Variants in MID1 observed in about 807,000 individuals in gnomAD.
The protein encoded by MID1 is midline 1, also known as E3 ubiquitin-protein ligase Midline-1.
A neutral mutation model predicts 40.4 loss-of-function variants in MID1; 7 were observed. The observed-to-expected ratio is 0.17, with a 90% CI of 0.10 to 0.33. MID1 has a LOEUF of 0.33. MID1 is among the 10% of genes least tolerant of loss of function. The probability of loss-of-function intolerance (pLI) is 1.00; values close to 1 mark genes in which losing one functional copy is unlikely to be tolerated. For synonymous variants in MID1, 229 were observed against 221.2 expected, an observed-to-expected ratio of 1.04 and a Z score of -0.31; for missense variants, 367 against 558.5, an observed-to-expected ratio of 0.66 and a Z score of 3.46.
At chrX:10,458,789 A>C (rs182838409) in intron 8 of MID1, among the ~76,000 whole-genome samples, 107 of 111,608 alleles carry the variant, frequency 9.6e-4, no homozygotes, top group Non-Finnish European at 1.5e-3. Context: ...GATATAGGTT[A>C]AATGAGGGTT....
intron 1 of MID1, among the ~76,000 whole-genome samples, chrX:10,643,705 T>C (rs1308020942): frequency 9.0e-6 from 1 of 111,011 alleles, no homozygotes; most frequent in African/African-American, 3.3e-5. Context: ...CACATGCACA[T>C]GTATGTTTAT....
chrX:10,717,064 A>C (rs1264434692), intron 1 of MID1, among the ~76,000 whole-genome samples: 8 of 111,430 alleles, frequency 7.2e-5, no homozygotes, highest in South Asian at 7.6e-4. Flanking sequence ...TGGAAAGGAA[A>C]AACCGGTACC....
chrX:10,579,007 C>T (rs1344885935), intron 1 of MID1, among the ~76,000 whole-genome samples: 2 of 112,276 alleles, frequency 1.8e-5, no homozygotes, highest in Non-Finnish European at 3.8e-5. Flanking sequence ...TGCATGTATA[C>T]ATAAGTACAC....
At chrX:10,832,942 C>CAT (rs1006910067) in intron 1 of MID1, among the ~76,000 whole-genome samples, 147 of 112,424 alleles carry the variant, frequency 1.3e-3, no homozygotes, top group African/African-American at 1.6e-4. Context: ...CCGTTCTCGC[C>CAT]ATATATATAA....
chrX:10,460,712 A>AC (rs1928974341), intron 7 of MID1, among the ~76,000 whole-genome samples: 1 of 109,774 alleles, frequency 9.1e-6, no homozygotes, highest in African/African-American at 3.3e-5. Flanking sequence ...CAAAGCCACC[A>AC]CCCCACTCCT....
chrX:10,577,163 C>T (rs952790579), intron 1 of MID1, among the ~76,000 whole-genome samples: 1 of 112,130 alleles, frequency 8.9e-6, no homozygotes. Flanking sequence ...GCAACGGGAT[C>T]TGTACTCTCA....
intron 2 of MID1, among the ~76,000 whole-genome samples, chrX:10,534,746 G>C (rs1048224871): frequency 9.0e-6 from 1 of 111,670 alleles, no homozygotes. Flanking sequence ...ACACTCTTTG[G>C]CTCAAAAAAA....
chrX:10,821,249 T>C (rs991886719), intron 1 of MID1, among the ~76,000 whole-genome samples: 3 of 112,262 alleles, frequency 2.7e-5, no homozygotes, highest in African/African-American at 9.7e-5. Flanking sequence ...CAAGCTATCA[T>C]TCACTGCCTA....
intron 2 of MID1, among the ~76,000 whole-genome samples, chrX:10,550,990 G>A (rs1416249574): frequency 9.0e-6 from 1 of 111,608 alleles, no homozygotes; most frequent in Non-Finnish European, 1.9e-5. Flanking sequence ...GGTACCTGTA[G>A]GGGATTCGTT....
chrX:10,720,796 C>G (rs1444513462), intron 1 of MID1, among the ~76,000 whole-genome samples: 5 of 110,145 alleles, frequency 4.5e-5, no homozygotes, highest in South Asian at 4.0e-4. Context: ...TTGGAACCAA[C>G]CCAAATGTCC....
At chrX:10,616,667 C>T (rs1401269285) in intron 1 of MID1, among the ~76,000 whole-genome samples, 1 of 112,388 alleles carries the variant, frequency 8.9e-6, no homozygotes, top group African/African-American at 3.2e-5. Context: ...GTAGCCTATG[C>T]GGTCTACAGC....
chrX:10,495,770 T>A, intron 3 of MID1, 79 bp from the exon 4 acceptor site: 3 of 658,388 alleles, frequency 4.6e-6, no homozygotes, highest in Non-Finnish European at 7.5e-6. Flanking sequence ...TATACTAGGA[T>A]GTTTCTAGTA....
At chrX:10,791,927 GA>G (rs1476733261) in intron 1 of MID1, among the ~76,000 whole-genome samples, 1 of 111,324 alleles carries the variant, frequency 9.0e-6, no homozygotes, top group African/African-American at 3.3e-5. Flanking sequence ...TCATATAGAG[GA>G]AAAGTGCTAT....
intron 1 of MID1, among the ~76,000 whole-genome samples, chrX:10,631,683 A>C (rs940563769): frequency 4.5e-5 from 5 of 112,158 alleles, no homozygotes; most frequent in African/African-American, 1.6e-4. Context: ...CTCCAGCTCT[A>C]TTTTGGGTAC....
intron 1 of MID1, among the ~76,000 whole-genome samples, chrX:10,666,229 T>C (rs750649823): frequency 1.5e-4 from 17 of 111,243 alleles, no homozygotes; most frequent in Admixed American, 2.9e-4. Context: ...TCTTAGCAAG[T>C]GATAATCTCC....
chrX:10,667,424 C>G (rs2042957743), intron 1 of MID1, among the ~76,000 whole-genome samples: 1 of 111,555 alleles, frequency 9.0e-6, no homozygotes, highest in Non-Finnish European at 1.9e-5. Context: ...AATTGGTAAA[C>G]TCTGTTCTGA....
At position 10,464,933 on chromosome X, in the gene MID1, C is replaced by T. The variant is rs142130971; in HGVS notation, c.1285+4764G>A. The stretch of plus-strand genomic sequence containing the variant: ...GGTGCAGTGGCTCATGCCTGTAATC[C>T]CAACACTTTGGGAGGCCAAGGTGGG... On this transcript the variant is annotated intron_variant, in intron 7 of 9. Transcript: ENST00000317552. 8.4e-3 allele frequency among the ~76,000 whole-genome samples: 930 copies of T among 110,254 alleles called. 4 individuals carry two copies. Among genetic ancestry groups the T allele is most frequent in the Middle Eastern group, 0.028 (6 of 212 alleles).
At chrX:10,554,121 C>A (rs764717080) in intron 2 of MID1, among the ~76,000 whole-genome samples, 6 of 111,741 alleles carry the variant, frequency 5.4e-5, no homozygotes, top group Non-Finnish European at 9.4e-5. Context: ...CTGCTCCCAC[C>A]CACTAAATGC....
chrX:10,470,321 C>T (rs968991073), intron 6 of MID1, among the ~76,000 whole-genome samples: 1 of 111,627 alleles, frequency 9.0e-6, no homozygotes, highest in Non-Finnish European at 1.9e-5. Context: ...TGGGCATGGC[C>T]AGGTTCCAAT....
Sources: allele counts gnomAD v4.1 joint callset (sites outside exome capture counted in the v4.1 genomes callset), GRCh38; gene constraint gnomAD v4.1.1; transcripts MANE v1.5; gene names NCBI Gene and HGNC (gene_info 2026-07-23, HGNC 2026-07-21).